GATAD2B: variants seen among roughly 807,000 people sequenced by gnomAD.
The protein encoded by GATAD2B is transcriptional repressor p66-beta.
In GATAD2B, 8 loss-of-function variants were observed where a neutral mutation model predicts 64.3. The observed-to-expected ratio is 0.12, with a 90% CI of 0.07 to 0.22. The LOEUF is 0.22. Among genes scored for constraint, GATAD2B ranks in the 10% least tolerant of loss-of-function variants. The probability of loss-of-function intolerance (pLI) is 1.00; values close to 1 mark genes in which losing one functional copy is unlikely to be tolerated. For missense variants in GATAD2B, 453 were observed against 752.0 expected, an observed-to-expected ratio of 0.60 and a Z score of 4.65; for synonymous variants, 281 against 271.3, an observed-to-expected ratio of 1.04 and a Z score of -0.35.
Position 153,805,202 on chromosome 1 carries a change from T to C in GATAD2B, c.*4975A>G, listed in dbSNP as rs1048116860. ...GTACTCAGCCCAGGCTGTGGGGAAA[T>C]TGGGCCCCTGAAGGAGACAGACTGT... On this transcript the variant is annotated 3_prime_UTR_variant, in exon 11 of 11. Coordinates refer to ENST00000368655, the MANE Select transcript of GATAD2B (RefSeq NM_020699.4). 1.5e-4 allele frequency: 22 copies of C among 151,500 alleles called. No individual in the cohort carries two copies. In the East Asian group the frequency reaches 4.1e-3, roughly 28 times the overall value. The allele number at this position is 151,500 out of a possible 1,614,324, so 9.4% of individuals were successfully genotyped here.
At chr1:153,814,631 A>G (rs759595782) in intron 7 of GATAD2B, among the ~76,000 whole-genome samples, 29 of 152,104 alleles carry the variant, frequency 1.9e-4, no homozygotes, top group Non-Finnish European at 3.7e-4. Context: ...ATAATTAGCT[A>G]GGTGTGATGG....
At chr1:153,838,065 T>C (rs1237897552) in intron 1 of GATAD2B, among the ~76,000 whole-genome samples, 2 of 152,226 alleles carry the variant, frequency 1.3e-5, no homozygotes, top group Non-Finnish European at 2.9e-5. Flanking sequence ...TTGTTTCTAC[T>C]TCACAGGTGG....
chr1:153,876,227 C>CAAAAGAAAAAAAAAA (rs1676826780), intron 1 of GATAD2B, among the ~76,000 whole-genome samples: 1 of 48,406 alleles, frequency 2.1e-5, no homozygotes, highest in Non-Finnish European at 3.5e-5. Context: ...GACTTCGTCT[C>CAAAAGAAAAAAAAAA]AAAAAAAAAA....
chr1:153,916,582 G>GA (rs1238618258), intron 1 of GATAD2B, among the ~76,000 whole-genome samples: 3 of 152,274 alleles, frequency 2.0e-5, no homozygotes, highest in African/African-American at 4.8e-5. Flanking sequence ...CAAAGGGCTG[G>GA]AGTTTAGGAG....
At chr1:153,880,843 AAAAT>A (rs1414899127) in intron 1 of GATAD2B, among the ~76,000 whole-genome samples, 1 of 152,008 alleles carries the variant, frequency 6.6e-6, no homozygotes, top group African/African-American at 2.4e-5. Flanking sequence ...CTGTCTCAAA[AAAAT>A]AAAAAAATAA....
intron 1 of GATAD2B, among the ~76,000 whole-genome samples, chr1:153,859,656 T>A (rs1228419740): frequency 6.9e-6 from 1 of 144,574 alleles, no homozygotes; most frequent in Non-Finnish European, 1.5e-5. Flanking sequence ...GGTAACAGAG[T>A]GAGACTCCAT....
At chr1:153,866,275 A>G (rs78395343) in intron 1 of GATAD2B, among the ~76,000 whole-genome samples, 3,012 of 151,998 alleles carry the variant, frequency 0.02, 105 homozygotes, top group African/African-American at 0.069. Context: ...TGAGAATGTT[A>G]TAAGTATAGC....
intron 1 of GATAD2B, among the ~76,000 whole-genome samples, chr1:153,909,929 C>T (rs1259853330): frequency 7.3e-6 from 1 of 137,514 alleles, no homozygotes; most frequent in African/African-American, 2.7e-5. Context: ...GCCTGGGCAA[C>T]AGAGCAAGAC....
intron 1 of GATAD2B, among the ~76,000 whole-genome samples, chr1:153,888,293 T>C (rs576583563): frequency 1.3e-4 from 20 of 152,250 alleles, no homozygotes; most frequent in African/African-American, 4.3e-4. Context: ...ATGAAAATCA[T>C]ATGGAGCATT....
At position 153,811,747 on chromosome 1, in the gene GATAD2B, G is replaced by A; in HGVS notation, c.1632C>T (p.Gly544=). The A allele has an allele frequency of 6.2e-7, 1 of 1,608,748 alleles. No homozygotes were observed. Residue 544 remains glycine (G), a synonymous_variant, in exon 10 of 11, where the codon GGC becomes GGT. Transcript: ENST00000368655. ...CCTTCTTACCTGGCATACCAAGGAG[G>A]CCACCTGGCACAGACAACTGGGGTG... ...AQAPQLSVPG[G]LLGMPGVNIA... is the part of the protein sequence containing the mutation.
At chr1:153,850,519 C>G (rs1344023463) in intron 1 of GATAD2B, among the ~76,000 whole-genome samples, 1 of 151,940 alleles carries the variant, frequency 6.6e-6, no homozygotes, top group African/African-American at 2.4e-5. Context: ...AGGGTGGTCT[C>G]GAACTCCTGA....
rs1472465003 is a variant in GATAD2B, at chr1:153,922,930, G to GCGA, written c.-202_-200dup. 6.4e-6 allele frequency: 1 copy of GCGA among 156,272 alleles called. No individual in the cohort carries two copies. Among genetic ancestry groups the GCGA allele is most frequent in the Non-Finnish European group, 1.4e-5 (1 of 70,660 alleles). The allele number at this position is 156,272 out of a possible 1,614,324, so 9.7% of individuals were successfully genotyped here. On this transcript the variant is annotated 5_prime_UTR_variant, in exon 1 of 11. Transcript: ENST00000368655. ...GGTACAGACGGGGGCAGCGGCGGCG[G>GCGA]CGACGGCTGCACCGGCGGCGGCGGC...
chr1:153,918,779 C>T (rs1678344198), intron 1 of GATAD2B, among the ~76,000 whole-genome samples: 3 of 151,922 alleles, frequency 2.0e-5, no homozygotes, highest in Admixed American at 1.3e-4. Context: ...ATGGTGAAAC[C>T]GTCTCTACTA....
intron 1 of GATAD2B, among the ~76,000 whole-genome samples, chr1:153,915,464 G>A (rs1266937024): frequency 1.3e-5 from 2 of 151,948 alleles, no homozygotes; most frequent in Non-Finnish European, 2.9e-5. Flanking sequence ...AAAATTATGA[G>A]GGCAAAGAAG....
At chr1:153,835,757 C>T (rs925158868) in intron 1 of GATAD2B, among the ~76,000 whole-genome samples, 1 of 152,126 alleles carries the variant, frequency 6.6e-6, no homozygotes, top group African/African-American at 2.4e-5. Flanking sequence ...GACTCTTGCT[C>T]TGTCGTCCAG....
chr1:153,881,413 A>T, intron 1 of GATAD2B, among the ~76,000 whole-genome samples: 1 of 152,260 alleles, frequency 6.6e-6, no homozygotes, highest in Non-Finnish European at 1.5e-5. Flanking sequence ...AGAGACCCTT[A>T]CCATTATAGC....
intron 1 of GATAD2B, among the ~76,000 whole-genome samples, chr1:153,888,281 C>A (rs11264522): frequency 0.84 from 126,862 of 151,930 alleles, 53,391 homozygotes; most frequent in Admixed American, 0.89. Flanking sequence ...GGAAAAAAAA[C>A]CATGAAAATC....
intron 1 of GATAD2B, among the ~76,000 whole-genome samples, chr1:153,901,590 C>CG (rs1677773664): frequency 6.6e-6 from 1 of 151,182 alleles, no homozygotes; most frequent in African/African-American, 2.4e-5. Flanking sequence ...TTTGAGAGGC[C>CG]GAGGCAGGTG....
chr1:153,834,547 G>C (rs1371027330), intron 1 of GATAD2B, among the ~76,000 whole-genome samples: 2 of 151,746 alleles, frequency 1.3e-5, no homozygotes, highest in African/African-American at 4.8e-5. Flanking sequence ...TGCCACCCCA[G>C]GCCCAGCTAA....
Sources: gnomAD v4.1 joint callset for allele counts (sites outside exome capture counted in the v4.1 genomes callset) on GRCh38, gnomAD v4.1.1 for gene constraint, MANE v1.5 for transcripts, NCBI Gene and HGNC (gene_info 2026-07-23, HGNC 2026-07-21) for gene names.